The following UNC13C variants were observed in gnomAD, a reference collection of about 807,000 sequenced individuals.
UNC13C encodes the protein unc-13 homolog C.
In UNC13C, 174 loss-of-function variants were observed where a neutral mutation model predicts 245.4. The ratio of observed to expected loss-of-function variants is 0.71; its 90% confidence interval spans 0.63 to 0.80. UNC13C has a LOEUF of 0.80. Ranked by LOEUF, UNC13C falls within the 30% of genes least tolerant of loss-of-function variation. The probability of loss-of-function intolerance (pLI) is 0.00; values close to 1 mark genes in which losing one functional copy is unlikely to be tolerated. For missense variants in UNC13C, 2,829 were observed against 2,602.9 expected (o/e 1.09, Z -1.89); for synonymous variants, 992 against 895.1 (o/e 1.11, Z -1.93).
chr15:54,565,655 A>T (rs1411266343), intron 29 of UNC13C, among the ~76,000 whole-genome samples: 1 of 152,056 alleles, frequency 6.6e-6, no homozygotes, highest in African/African-American at 2.4e-5. Context: ...TATACAAGCA[A>T]TAAGAAAAGC....
chr15:54,311,699 C>T (rs1005923895), intron 13 of UNC13C, among the ~76,000 whole-genome samples: 2 of 151,388 alleles, frequency 1.3e-5, no homozygotes, highest in African/African-American at 4.8e-5. Context: ...TTTATTATAC[C>T]ATGAGGCATG....
At chr15:54,018,943 T>G (rs1187265916) in intron 2 of UNC13C, among the ~76,000 whole-genome samples, 1 of 152,202 alleles carries the variant, frequency 6.6e-6, no homozygotes, top group African/African-American at 2.4e-5. Flanking sequence ...ACACAAACTT[T>G]AAAGTCAAAT....
chr15:53,996,352 T>C (rs1413184168), intron 1 of UNC13C, among the ~76,000 whole-genome samples: 1 of 152,210 alleles, frequency 6.6e-6, no homozygotes, highest in African/African-American at 2.4e-5. Flanking sequence ...AGGTGAGGCC[T>C]GGTCTTTGCG....
the UNC13C span, among the ~76,000 whole-genome samples, chr15:53,891,790 C>T: frequency 1.3e-5 from 2 of 152,186 alleles, no homozygotes; most frequent in Non-Finnish European, 2.9e-5. Flanking sequence ...ATACAGCACA[C>T]CGATGGGTCT....
At chr15:53,994,603 C>A (rs1894535315) in intron 1 of UNC13C, among the ~76,000 whole-genome samples, 1 of 151,812 alleles carries the variant, frequency 6.6e-6, no homozygotes, top group South Asian at 2.1e-4. Context: ...TGTTTTCTCC[C>A]AGTGCAACAT....
At chr15:53,912,873 G>T in the UNC13C span, 1 of 152,272 alleles carries the variant, frequency 6.6e-6, no homozygotes, top group East Asian at 1.9e-4. Context: ...CTTGGCAGAT[G>T]ACAGTGGATT....
At chr15:54,542,190 T>C (rs1387057153) in intron 26 of UNC13C, among the ~76,000 whole-genome samples, 1 of 152,202 alleles carries the variant, frequency 6.6e-6, no homozygotes. Flanking sequence ...TTACTTTGTG[T>C]GCTTTAAAAG....
At chr15:54,553,135 AG>A (rs1896918410) in intron 28 of UNC13C, among the ~76,000 whole-genome samples, 1 of 92,562 alleles carries the variant, frequency 1.1e-5, no homozygotes, top group African/African-American at 4.7e-5. Context: ...TATAATATAT[AG>A]TATTCTATAT....
intron 17 of UNC13C, among the ~76,000 whole-genome samples, chr15:54,371,945 G>C (rs1299216555): frequency 6.6e-6 from 1 of 151,876 alleles, no homozygotes; most frequent in Non-Finnish European, 1.5e-5. Context: ...GCTGAGGGAG[G>C]GGAGATTGGG....
At chr15:54,033,390 C>T (rs1440005102) in intron 2 of UNC13C, among the ~76,000 whole-genome samples, 1 of 152,008 alleles carries the variant, frequency 6.6e-6, no homozygotes, top group Non-Finnish European at 1.5e-5. Context: ...AATTAAATGA[C>T]AAGAAAAAAT....
intron 2 of UNC13C, among the ~76,000 whole-genome samples, chr15:54,136,510 A>AT (rs1408093676): frequency 6.6e-6 from 1 of 151,890 alleles, no homozygotes; most frequent in Admixed American, 6.6e-5. Flanking sequence ...TTACTTCTTC[A>AT]TTTTTTTATT....
chr15:54,333,662 A>G (rs1429202428), intron 15 of UNC13C, 105 bp from the exon 16 acceptor site: 2 of 674,280 alleles, frequency 3.0e-6, no homozygotes, highest in African/African-American at 1.8e-5. Context: ...AAAATTGTAT[A>G]CAGTTTACTT....
At chr15:54,124,994 A>G (rs1418610634) in intron 2 of UNC13C, among the ~76,000 whole-genome samples, 1 of 152,212 alleles carries the variant, frequency 6.6e-6, no homozygotes, top group East Asian at 1.9e-4. Context: ...TCATAAATCT[A>G]AATGCCATTC....
intron 4 of UNC13C, among the ~76,000 whole-genome samples, chr15:54,215,943 G>A (rs1250166290): frequency 6.6e-6 from 1 of 151,964 alleles, no homozygotes; most frequent in Non-Finnish European, 1.5e-5. Flanking sequence ...AACATAAATT[G>A]AAACTGGGAT....
intron 2 of UNC13C, among the ~76,000 whole-genome samples, chr15:54,036,445 A>C (rs1896581006): frequency 6.6e-6 from 1 of 152,200 alleles, no homozygotes; most frequent in Admixed American, 6.5e-5. Context: ...CATTTCCTAA[A>C]GCCATTAGGG....
At chr15:54,507,653 T>A (rs1474776462) in intron 23 of UNC13C, among the ~76,000 whole-genome samples, 1 of 152,070 alleles carries the variant, frequency 6.6e-6, no homozygotes, top group Non-Finnish European at 1.5e-5. Context: ...AATAGCTTTT[T>A]TAGATGATTG....
chr15:53,925,408 T>A, the UNC13C span, among the ~76,000 whole-genome samples: 3 of 152,200 alleles, frequency 2.0e-5, no homozygotes, highest in Non-Finnish European at 4.4e-5. Flanking sequence ...CAGCCTGTCC[T>A]TCCCATGAGC....
chr15:54,477,896 C>T (rs1892862078), intron 19 of UNC13C, among the ~76,000 whole-genome samples: 1 of 148,822 alleles, frequency 6.7e-6, no homozygotes, highest in African/African-American at 2.5e-5. Flanking sequence ...ACCAGTTCCT[C>T]CTTGTACCTC....
intron 4 of UNC13C, among the ~76,000 whole-genome samples, chr15:54,192,558 C>A (rs146693370): frequency 6.6e-6 from 1 of 152,284 alleles, no homozygotes; most frequent in East Asian, 1.9e-4. Context: ...TCTTACTCAT[C>A]ACATTACTGT....
Sources: gnomAD v4.1 joint callset for allele counts (sites outside exome capture counted in the v4.1 genomes callset) on GRCh38, gnomAD v4.1.1 for gene constraint, MANE v1.5 for transcripts, NCBI Gene and HGNC (gene_info 2026-07-23, HGNC 2026-07-21) for gene names.